FBXO38: variants seen among roughly 807,000 people sequenced by gnomAD.
FBXO38 encodes F-box protein 38.
A neutral mutation model predicts 131.9 loss-of-function variants in FBXO38; 53 were observed. That is an observed-to-expected ratio of 0.40 (90% CI 0.32 to 0.51). The LOEUF (loss-of-function observed/expected upper bound fraction) is 0.51, where lower values mean the gene tolerates loss of function less well. Among genes scored for constraint, FBXO38 ranks in the 20% least tolerant of loss-of-function variants. The pLI is 0.53. For synonymous variants in FBXO38, 452 were observed against 505.6 expected (o/e 0.89, Z 1.42); for missense variants, 1,076 against 1,475.6 (o/e 0.73, Z 4.44).
chr5:148,397,984 C>T (rs768290141), intron 2 of FBXO38, among the ~76,000 whole-genome samples: 2 of 152,108 alleles, frequency 1.3e-5, no homozygotes, highest in Non-Finnish European at 2.9e-5. Context: ...AAGAATTTGT[C>T]TAGGGGATTA....
chr5:148,426,754 G>A (rs1753732770), intron 14 of FBXO38, among the ~76,000 whole-genome samples: 1 of 152,170 alleles, frequency 6.6e-6, no homozygotes, highest in African/African-American at 2.4e-5. Flanking sequence ...TAGTTGAAGA[G>A]TCATGTCAAA....
At chr5:148,425,795 A>C in intron 14 of FBXO38, 94 bp downstream of exon 14, 1 of 1,055,348 alleles carries the variant, frequency 9.5e-7, no homozygotes, top group Non-Finnish European at 1.4e-6. Context: ...CAGTTAACAT[A>C]TATTACGGAA....
intron 7 of FBXO38, among the ~76,000 whole-genome samples, chr5:148,407,007 C>G (rs938015933): frequency 6.6e-6 from 1 of 152,258 alleles, no homozygotes; most frequent in South Asian, 2.1e-4. Flanking sequence ...AAACCAAAAA[C>G]TTAACTTTGG....
In FBXO38 at chr5:148,439,808, G is replaced by T. The variant is rs1456403463; in HGVS notation, c.3170+16G>T. On this transcript the variant is annotated intron_variant, in intron 19 of 21. Transcript: ENST00000340253. ...ACATCAATCAGTAAGTAACTTTGTG[G>T]CCCTTAAAGGCCTTTTGAGTCATTT... The T allele has an allele frequency of 6.2e-7, 1 of 1,612,156 alleles. No individual in the cohort carries two copies. The highest frequency in any genetic ancestry group is 8.5e-7 in the Non-Finnish European group (1 of 1,179,108).
chr5:148,440,411 C>G lies in FBXO38; in HGVS notation c.3171-13C>G. The G allele has an allele frequency of 6.5e-7, 1 of 1,535,430 alleles. No individual in the cohort carries two copies. The highest frequency in any genetic ancestry group is 1.7e-4 in the Middle Eastern group (1 of 5,856). Reference sequence around the variant, plus strand: ...TTTTGTAATTTTTACTTAATTTTTCCTGTTGCTTCCAGAGAGCTCATTAAA... The same window carrying G: ...TTTTGTAATTTTTACTTAATTTTTCGTGTTGCTTCCAGAGAGCTCATTAAA... On this transcript the variant is annotated splice_polypyrimidine_tract_variant and intron_variant, in intron 19 of 21. Coordinates refer to ENST00000340253, the MANE Select transcript of FBXO38 (RefSeq NM_205836.3).
chr5:148,415,811 A>C, intron 10 of FBXO38, 117 bp from the exon 11 acceptor site: 2 of 1,084,058 alleles, frequency 1.8e-6, no homozygotes, highest in Non-Finnish European at 2.7e-6. Context: ...TCATGAAAAA[A>C]AGGAAAAGTT....
intron 18 of FBXO38, 28 bp from the exon 19 acceptor site, chr5:148,439,619 A>G: frequency 6.2e-7 from 1 of 1,605,816 alleles, no homozygotes; most frequent in Non-Finnish European, 8.5e-7. Context: ...TCTTTGTTGA[A>G]GACATCTCTT....
chr5:148,427,856 T>G lies in FBXO38; in HGVS notation c.2562T>G (p.Ser854Arg). The G allele has an allele frequency of 6.3e-7, 1 of 1,590,810 alleles. No individual in the cohort carries two copies. Residue 854 changes from serine to arginine, a missense_variant, in exon 15 of 22, where the codon AGT becomes AGG. This residue lies in a region of FBXO38 where 213 missense variants were observed against 225.2 expected (regional missense o/e 0.95). Coordinates refer to ENST00000340253, the MANE Select transcript of FBXO38 (RefSeq NM_205836.3). ...GGAGGGGGAGCTCCCAGCCTGAGAG[T>G]TGTGACGTGCAGTCTAATGAAGACT... is the stretch of plus-strand genomic sequence containing the variant. ...EDRRGSSQPE[S>R]CDVQSNEDYP...
At chr5:148,421,195 A>G (rs116833445) in intron 12 of FBXO38, among the ~76,000 whole-genome samples, 4,164 of 152,114 alleles carry the variant, frequency 0.027, 193 homozygotes, top group African/African-American at 0.093. Context: ...CTCCATCTCA[A>G]CCTCACGATC....
At chr5:148,426,752 G>A (rs1753732494) in intron 14 of FBXO38, among the ~76,000 whole-genome samples, 1 of 152,170 alleles carries the variant, frequency 6.6e-6, no homozygotes, top group Non-Finnish European at 1.5e-5. Context: ...TCTAGTTGAA[G>A]AGTCATGTCA....
chr5:148,433,263 A>G (rs1267440630), intron 15 of FBXO38, 161 bp from the exon 16 acceptor site: 1 of 582,964 alleles, frequency 1.7e-6, no homozygotes, highest in African/African-American at 1.9e-5. Context: ...TCCTGTTTTG[A>G]AACAATCCAC....
At chr5:148,438,519 C>G in intron 18 of FBXO38, 21 bp downstream of exon 18, 1 of 1,604,704 alleles carries the variant, frequency 6.2e-7, no homozygotes, top group Non-Finnish European at 8.5e-7. Context: ...TTGCTTCTTT[C>G]CGATGATACA....
chr5:148,387,731 T>G (rs1026984565), intron 1 of FBXO38, among the ~76,000 whole-genome samples: 1 of 150,382 alleles, frequency 6.6e-6, no homozygotes, highest in Non-Finnish European at 1.5e-5. Context: ...CTAGCTCTGT[T>G]ACCAGGCTCG....
intron 7 of FBXO38, 113 bp downstream of exon 7, chr5:148,406,507 C>T (rs1337870667): frequency 1.2e-5 from 10 of 819,734 alleles, no homozygotes; most frequent in African/African-American, 1.8e-5. Context: ...TCGTCAGTAA[C>T]TGCTTTCTTT....
intron 12 of FBXO38, among the ~76,000 whole-genome samples, chr5:148,421,645 A>G (rs976514840): frequency 4.6e-5 from 7 of 152,270 alleles, no homozygotes; most frequent in African/African-American, 1.7e-4. Context: ...ATATACATAT[A>G]TATATAACTT....
intron 7 of FBXO38, among the ~76,000 whole-genome samples, chr5:148,407,808 C>T (rs1194882841): frequency 6.6e-6 from 1 of 151,910 alleles, no homozygotes; most frequent in Non-Finnish European, 1.5e-5. Context: ...ACCTGTAGTC[C>T]CAGCTACTCG....
intron 1 of FBXO38, among the ~76,000 whole-genome samples, chr5:148,387,367 C>G (rs1757967442): frequency 6.6e-6 from 1 of 152,180 alleles, no homozygotes; most frequent in African/African-American, 2.4e-5. Flanking sequence ...TCAGTCACAT[C>G]TTCAGGCTCT....
intron 15 of FBXO38, among the ~76,000 whole-genome samples, chr5:148,429,489 CTG>C (rs1753910195): frequency 6.6e-6 from 1 of 152,106 alleles, no homozygotes; most frequent in African/African-American, 2.4e-5. Context: ...TTCTGGTGCT[CTG>C]TCTTCTTTCA....
intron 1 of FBXO38, among the ~76,000 whole-genome samples, chr5:148,392,227 G>A (rs1215445411): frequency 6.6e-6 from 1 of 152,096 alleles, no homozygotes; most frequent in Non-Finnish European, 1.5e-5. Context: ...AGTCCCAAAA[G>A]GTAATGGGAA....
Sources: gnomAD v4.1 joint callset for allele counts (sites outside exome capture counted in the v4.1 genomes callset) on GRCh38, gnomAD v4.1.1 for gene constraint, gnomAD v4.1.1 regional missense constraint, MANE v1.5 for transcripts, NCBI Gene and HGNC (gene_info 2026-07-23, HGNC 2026-07-21) for gene names.